MAPKAPK5: variants seen among roughly 807,000 people sequenced by gnomAD.
MAPKAPK5 encodes MAP kinase-activated protein kinase 5.
A neutral mutation model predicts 65.1 loss-of-function variants in MAPKAPK5; 30 were observed. That is an observed-to-expected ratio of 0.46 (90% CI 0.34 to 0.63). The LOEUF (loss-of-function observed/expected upper bound fraction) is 0.63, where lower values mean the gene tolerates loss of function less well. Ranked by LOEUF, MAPKAPK5 falls within the 20% of genes least tolerant of loss-of-function variation. MAPKAPK5 has a pLI of 0.01. For missense variants in MAPKAPK5, 433 were observed against 581.4 expected (o/e 0.74, Z 2.63); for synonymous variants, 179 against 204.6 (o/e 0.87, Z 1.07).
At chr12:111,866,853 C>T (rs1003347706) in intron 3 of MAPKAPK5, among the ~76,000 whole-genome samples, 3 of 152,196 alleles carry the variant, frequency 2.0e-5, no homozygotes, top group Admixed American at 6.5e-5. Flanking sequence ...CCATCCGCCT[C>T]GGCCTCTCAA....
chr12:111,847,234 G>C (rs2068932813), intron 1 of MAPKAPK5, among the ~76,000 whole-genome samples: 2 of 151,648 alleles, frequency 1.3e-5, no homozygotes, highest in Non-Finnish European at 2.9e-5. Flanking sequence ...TGTAGTCCCA[G>C]CTACTCGGGA....
intron 9 of MAPKAPK5, among the ~76,000 whole-genome samples, chr12:111,884,274 A>G (rs1037362498): frequency 2.0e-5 from 3 of 152,120 alleles, no homozygotes; most frequent in African/African-American, 4.8e-5. Flanking sequence ...GCAGTGGTAC[A>G]ATCTTGGCTC....
chr12:111,863,606 ATT>A (rs56871695), intron 1 of MAPKAPK5, among the ~76,000 whole-genome samples: 18 of 136,998 alleles, frequency 1.3e-4, no homozygotes, highest in Middle Eastern at 3.5e-3. Context: ...ATGGATTTTG[ATT>A]TTTTTTTTTT....
At chr12:111,857,296 C>A (rs1320241954) in intron 1 of MAPKAPK5, among the ~76,000 whole-genome samples, 1 of 149,896 alleles carries the variant, frequency 6.7e-6, no homozygotes, top group African/African-American at 2.5e-5. Flanking sequence ...GGCTAGAGTG[C>A]AGTGGTATGA....
intron 7 of MAPKAPK5, among the ~76,000 whole-genome samples, chr12:111,876,034 C>T (rs538489040): frequency 1.3e-5 from 2 of 151,618 alleles, no homozygotes; most frequent in East Asian, 1.9e-4. Context: ...GGTGAAACCC[C>T]GTCTCTACTA....
At position 111,883,031 on chromosome 12, in the gene MAPKAPK5, G is replaced by A. The variant is rs979098636; in HGVS notation, c.661-550G>A. On this transcript the variant is annotated intron_variant, in intron 8 of 13. Coordinates refer to ENST00000550735, the MANE Select transcript of MAPKAPK5 (RefSeq NM_003668.4). The surrounding 1 kb of genome is among the most constrained non-coding windows in gnomAD (Gnocchi z 4.8). ...GTACCTGTACATTTTATCCCAGACT[G>A]GCTTTGTATGATGGGATGCATGTAT... Among the ~76,000 whole-genome samples, 2 of 152,176 alleles carry A rather than the reference G, an allele frequency of 1.3e-5. No homozygotes were observed. Among genetic ancestry groups the A allele is most frequent in the African/African-American group, 4.8e-5 (2 of 41,438 alleles).
At chr12:111,879,091 A>C (rs1566262936) in intron 7 of MAPKAPK5, among the ~76,000 whole-genome samples, 1 of 152,170 alleles carries the variant, frequency 6.6e-6, no homozygotes, top group Non-Finnish European at 1.5e-5. Flanking sequence ...TTTTAGAGCT[A>C]TCATTCAATG....
At chr12:111,863,218 C>T (rs375306361) in intron 1 of MAPKAPK5, among the ~76,000 whole-genome samples, 8 of 152,288 alleles carry the variant, frequency 5.3e-5, no homozygotes, top group Middle Eastern at 3.4e-3. Flanking sequence ...ATAATCCTGA[C>T]GCACAGTTTT....
intron 10 of MAPKAPK5, 36 bp downstream of exon 10, chr12:111,886,072 C>CT: frequency 6.2e-7 from 1 of 1,613,658 alleles, no homozygotes. Flanking sequence ...GCTGAAAAGA[C>CT]TGTGTTGGGA....
At chr12:111,849,924 G>A (rs1466366451) in intron 1 of MAPKAPK5, among the ~76,000 whole-genome samples, 3 of 151,270 alleles carry the variant, frequency 2.0e-5, no homozygotes. Flanking sequence ...GGGTCCCACT[G>A]TGTAGCCCAG....
At chr12:111,880,345 C>A in intron 7 of MAPKAPK5, 102 bp from the exon 8 acceptor site, 1 of 924,192 alleles carries the variant, frequency 1.1e-6, no homozygotes, top group Non-Finnish European at 1.8e-6. Flanking sequence ...TGGCTGATTG[C>A]CAGTTGTTTA....
rs186906271 is a variant in MAPKAPK5 at position 111,842,977 on chromosome 12, C to T, written c.36+208C>T. ...GTGTGTGTCCGACTCCCGCCAGCTT[C>T]CCTGGTGAGTGTGATTTGTGCTCAG... On this transcript the variant is annotated intron_variant, in intron 1 of 13. Coordinates refer to ENST00000550735, the MANE Select transcript of MAPKAPK5 (RefSeq NM_003668.4). 766 of 414,850 alleles carry T rather than the reference C, an allele frequency of 1.8e-3. 2 individuals carry two copies. The highest frequency in any genetic ancestry group is 2.9e-3 in the Non-Finnish European group (692 of 234,914). The allele number at this position is 414,850 out of a possible 1,614,324, so 25.7% of individuals were successfully genotyped here. A position where few individuals can be genotyped will look rare whatever the true frequency, so the allele number is the denominator to read the frequency against.
chr12:111,850,858 G>A (rs1204900897), intron 1 of MAPKAPK5, among the ~76,000 whole-genome samples: 1 of 150,008 alleles, frequency 6.7e-6, no homozygotes, highest in Non-Finnish European at 1.5e-5. Context: ...CTGCCAGTCT[G>A]TTTTTACCAA....
intron 1 of MAPKAPK5, among the ~76,000 whole-genome samples, chr12:111,863,176 C>T (rs1295465964): frequency 6.6e-6 from 1 of 152,096 alleles, no homozygotes; most frequent in African/African-American, 2.4e-5. Context: ...TAGATAGTGC[C>T]CATAACTCAC....
intron 1 of MAPKAPK5, among the ~76,000 whole-genome samples, chr12:111,854,385 G>T (rs914710431): frequency 1.3e-5 from 2 of 152,040 alleles, no homozygotes; most frequent in Non-Finnish European, 2.9e-5. Context: ...GGGACTTGAG[G>T]CGTGCGCCAC....
chr12:111,867,665 C>T lies in MAPKAPK5; in HGVS notation c.280C>T (p.Pro94Ser). 1 of 1,612,058 alleles carries T rather than the reference C, an allele frequency of 6.2e-7. No individual in the cohort carries two copies. Among genetic ancestry groups the T allele is most frequent in the Non-Finnish European group, 8.5e-7 (1 of 1,178,348 alleles). Residue 94 changes from proline (P) to serine (S), a missense_variant, in exon 4 of 14, where the codon CCT (proline) becomes TCT (serine). Pro to Ser is a moderately conservative substitution (Grantham distance 74, BLOSUM62 -1). Around this residue, in one of 3 missense-constraint regions of MAPKAPK5, gnomAD observed 165 missense variants for 180.0 expected, o/e 0.92. Coordinates refer to ENST00000550735, the MANE Select transcript of MAPKAPK5 (RefSeq NM_003668.4). The stretch of plus-strand genomic sequence containing the variant: ...TGTCCAGTTTCCCCATGAGTCCAGC[C>T]CTAGGTAAGACTACACAGTGTCATC... ...NSVQFPHESS[P>S]RARLLIVMEM...
At chr12:111,854,194 A>G (rs1350348754) in intron 1 of MAPKAPK5, among the ~76,000 whole-genome samples, 1 of 151,456 alleles carries the variant, frequency 6.6e-6, no homozygotes, top group African/African-American at 2.4e-5. Flanking sequence ...CTATGGGATC[A>G]TTACTATGAA....
At chr12:111,882,967 G>C (rs2070284726) in intron 8 of MAPKAPK5, 1 of 373,418 alleles carries the variant, frequency 2.7e-6, no homozygotes, top group African/African-American at 2.2e-5. Flanking sequence ...TGTACACAGG[G>C]ATCAGATAGG....
At chr12:111,860,971 C>A (rs2069417876) in intron 1 of MAPKAPK5, among the ~76,000 whole-genome samples, 1 of 151,486 alleles carries the variant, frequency 6.6e-6, no homozygotes, top group Non-Finnish European at 1.5e-5. Flanking sequence ...CCAGCCTGGC[C>A]AACACGGTGA....
Sources: allele counts gnomAD v4.1 joint callset (sites outside exome capture counted in the v4.1 genomes callset), GRCh38; gene constraint gnomAD v4.1.1; regional missense constraint gnomAD v4.1.1; non-coding constraint Gnocchi (gnomAD v3.1); transcripts MANE v1.5; gene names NCBI Gene and HGNC (gene_info 2026-07-23, HGNC 2026-07-21).